Variants in TMPRSS15 observed in about 807,000 individuals in gnomAD.
TMPRSS15 encodes the protein enteropeptidase.
In TMPRSS15, 128 loss-of-function variants were observed where a neutral mutation model predicts 125.3. The ratio of observed to expected loss-of-function variants is 1.02; its 90% CI spans 0.89 to 1.18. The LOEUF (loss-of-function observed/expected upper bound fraction) is 1.18. Ranked by LOEUF, TMPRSS15 falls within the 50% of genes most tolerant of loss-of-function variation. The pLI, the probability that TMPRSS15 is intolerant of heterozygous loss-of-function variation, is 0.00. For missense variants in TMPRSS15, 1,283 were observed against 1,212.7 expected (o/e 1.06, Z -0.86); for synonymous variants, 446 against 423.2 (o/e 1.05, Z -0.66).
chr21:18,325,531 CAGATGA>C (rs1343531367), intron 16 of TMPRSS15, among the ~76,000 whole-genome samples: 1 of 151,868 alleles, frequency 6.6e-6, no homozygotes, highest in Non-Finnish European at 1.5e-5. Context: ...GATAATAGGC[CAGATGA>C]AGATGAACTA....
At chr21:18,301,321 T>C (rs1029022396) in intron 18 of TMPRSS15, among the ~76,000 whole-genome samples, 4 of 152,164 alleles carry the variant, frequency 2.6e-5, no homozygotes, top group Admixed American at 2.6e-4. Flanking sequence ...GTAAGCACAG[T>C]AAACAGATTA....
chr21:18,414,134 CCTTT>C (rs1405054600), intron 1 of TMPRSS15, among the ~76,000 whole-genome samples: 2 of 151,902 alleles, frequency 1.3e-5, no homozygotes, highest in African/African-American at 4.8e-5. Context: ...CTTTTTATTT[CCTTT>C]AATTTTTTAA....
intron 21 of TMPRSS15, among the ~76,000 whole-genome samples, chr21:18,293,386 G>A (rs2074861666): frequency 6.6e-6 from 1 of 152,152 alleles, no homozygotes; most frequent in Non-Finnish European, 1.5e-5. Context: ...CCTGGCTACA[G>A]AGAGGCTTAC....
At chr21:18,410,544 TGA>T (rs2071553820) in intron 1 of TMPRSS15, among the ~76,000 whole-genome samples, 1 of 151,958 alleles carries the variant, frequency 6.6e-6, no homozygotes, top group Admixed American at 6.6e-5. Context: ...AGAACTTTTT[TGA>T]GTTTCTTTTC....
At chr21:18,291,762 AT>A (rs1198615271) in intron 21 of TMPRSS15, among the ~76,000 whole-genome samples, 1 of 148,806 alleles carries the variant, frequency 6.7e-6, no homozygotes, top group Non-Finnish European at 1.5e-5. Flanking sequence ...GAAAAAAAAA[AT>A]AATTCCATTG....
At chr21:18,277,738 T>C (rs2074638909) in intron 23 of TMPRSS15, among the ~76,000 whole-genome samples, 1 of 152,228 alleles carries the variant, frequency 6.6e-6, no homozygotes, top group Non-Finnish European at 1.5e-5. Context: ...TTTCTGCATT[T>C]TCATCTTAAA....
chr21:18,276,829 G>A (rs566572203), intron 23 of TMPRSS15, among the ~76,000 whole-genome samples: 9 of 146,182 alleles, frequency 6.2e-5, no homozygotes, highest in Non-Finnish European at 1.0e-4. Flanking sequence ...GCGCAATCTC[G>A]GCTCACTGCA....
intron 13 of TMPRSS15, among the ~76,000 whole-genome samples, chr21:18,336,932 T>C (rs906134615): frequency 6.6e-6 from 1 of 152,214 alleles, no homozygotes; most frequent in Non-Finnish European, 1.5e-5. Flanking sequence ...AATATGGCCA[T>C]CAATTTCAAG....
At chr21:18,405,984 T>C (rs764833566), upstream of TMPRSS15, among the ~76,000 whole-genome samples, 9 of 152,240 alleles carry the variant, frequency 5.9e-5, no homozygotes, top group Non-Finnish European at 1.3e-4. Context: ...TTTTTCTTTA[T>C]AATTTTTTTC....
chr21:18,432,794 T>C (rs1017835792), intron 1 of TMPRSS15, among the ~76,000 whole-genome samples: 1 of 152,166 alleles, frequency 6.6e-6, no homozygotes, highest in Non-Finnish European at 1.5e-5. Flanking sequence ...TTGTGGCACT[T>C]TGTTTAGGCA....
intron 1 of TMPRSS15, among the ~76,000 whole-genome samples, chr21:18,423,311 T>C (rs908093273): frequency 6.6e-6 from 1 of 152,198 alleles, no homozygotes. Flanking sequence ...TGATTCCTTG[T>C]TAGTGACCTT....
At chr21:18,308,971 T>G (rs895110477) in intron 18 of TMPRSS15, among the ~76,000 whole-genome samples, 1 of 152,248 alleles carries the variant, frequency 6.6e-6, no homozygotes, top group Non-Finnish European at 1.5e-5. Flanking sequence ...ATGTGCTACA[T>G]TTTCTTTATC....
chr21:18,296,383 T>A (rs2074908191), intron 19 of TMPRSS15, among the ~76,000 whole-genome samples: 1 of 152,186 alleles, frequency 6.6e-6, no homozygotes, highest in Non-Finnish European at 1.5e-5. Context: ...TATGTCTGAT[T>A]TTCTGCCAAC....
chr21:18,303,175 C>A (rs1315929160), intron 18 of TMPRSS15, among the ~76,000 whole-genome samples: 1 of 152,208 alleles, frequency 6.6e-6, no homozygotes, highest in South Asian at 2.1e-4. Flanking sequence ...ATTACACCGA[C>A]CTTTCATGTT....
chr21:18,438,666 A>G (rs2076234806), intron 1 of TMPRSS15, among the ~76,000 whole-genome samples: 3 of 152,194 alleles, frequency 2.0e-5, no homozygotes, highest in Non-Finnish European at 4.4e-5. Flanking sequence ...AATAACTGCC[A>G]GCACCATAAG....
intron 1 of TMPRSS15, among the ~76,000 whole-genome samples, chr21:18,485,512 C>CT (rs540785733): frequency 6.6e-6 from 1 of 151,742 alleles, no homozygotes; most frequent in Non-Finnish European, 1.5e-5. Context: ...GCTAAGTAAT[C>CT]TTTTTTGTTT....
intron 23 of TMPRSS15, among the ~76,000 whole-genome samples, chr21:18,278,708 C>A (rs1221800300): frequency 6.6e-6 from 1 of 151,994 alleles, no homozygotes; most frequent in African/African-American, 2.4e-5. Context: ...GGCCACATTG[C>A]GAGACTCCGT....
At chr21:18,354,212 A>C (rs2075601984) in intron 8 of TMPRSS15, among the ~76,000 whole-genome samples, 1 of 151,866 alleles carries the variant, frequency 6.6e-6, no homozygotes, top group Admixed American at 6.6e-5. Flanking sequence ...TTTGAAAATT[A>C]AAGTCAACTT....
rs139825352 is a variant in TMPRSS15, at chr21:18,358,101, A to G, written c.880+1656T>C. Among the ~76,000 whole-genome samples, 562 of 151,876 alleles carry G rather than the reference A, an allele frequency of 3.7e-3. 7 individuals carry two copies. The highest frequency in any genetic ancestry group is 0.012 in the African/African-American group (517 of 41,490). ...TGGCAATTAATTGCATATTAGTCAC[A>G]TCTCTATGGCTAAACATTTTAAAAT... On this transcript the variant is annotated intron_variant, in intron 8 of 24. Transcript: ENST00000284885.
Sources: gnomAD v4.1 joint callset for allele counts (sites outside exome capture counted in the v4.1 genomes callset) on GRCh38, gnomAD v4.1.1 for gene constraint, MANE v1.5 for transcripts, NCBI Gene and HGNC (gene_info 2026-07-23, HGNC 2026-07-21) for gene names.